Variants in SNRPA observed in about 807,000 individuals in gnomAD.
SNRPA encodes the protein U1 small nuclear ribonucleoprotein A.
Under a neutral mutation model 24.5 loss-of-function variants are expected in SNRPA, and 10 were observed. That is an observed-to-expected ratio of 0.41 (90% confidence interval 0.25 to 0.69). The LOEUF is 0.69. SNRPA is among the 30% of genes least tolerant of loss of function. The pLI, the probability that SNRPA is intolerant of heterozygous loss-of-function variation, is 0.33. For synonymous variants in SNRPA, 165 were observed against 148.4 expected (o/e 1.11, Z -0.81); for missense variants, 283 against 394.7 (o/e 0.72, Z 2.40).
intron 1 of SNRPA, among the ~76,000 whole-genome samples, chr19:40,753,393 T>TG: frequency 1.0e-5 from 1 of 100,360 alleles, no homozygotes; most frequent in African/African-American, 4.5e-5. Flanking sequence ...TGTTTTTTTT[T>TG]TTTTTTTTTT....
chr19:40,763,682 G>A lies in SNRPA; in HGVS notation c.689+7G>A. The A allele has an allele frequency of 6.2e-7, 1 of 1,612,288 alleles. No homozygotes were observed. The highest frequency in any genetic ancestry group is 1.1e-5 in the South Asian group (1 of 91,046). On this transcript the variant is annotated splice_region_variant and intron_variant, in intron 5 of 5. Transcript: ENST00000243563. ...TGTCCATGCTTTTCAATCAGTAAGT[G>A]GGGCCTGTGGCTGGGTGGTCCCTGG...
At chr19:40,763,141 A>G (rs764411820) in intron 4 of SNRPA, 67 bp downstream of exon 4, 1 of 1,287,366 alleles carries the variant, frequency 7.8e-7, no homozygotes, top group Non-Finnish European at 1.1e-6. Flanking sequence ...GAAAGGGACC[A>G]GTTGGGGGGC....
intron 3 of SNRPA, 71 bp downstream of exon 3, chr19:40,759,681 C>A: frequency 7.0e-7 from 1 of 1,422,736 alleles, no homozygotes; most frequent in Non-Finnish European, 9.5e-7. Flanking sequence ...GGCTTTGGGA[C>A]AGGGTGGGGA....
At chr19:40,761,821 G>A (rs1273553306) in intron 3 of SNRPA, among the ~76,000 whole-genome samples, 1 of 152,088 alleles carries the variant, frequency 6.6e-6, no homozygotes, top group African/African-American at 2.4e-5. Context: ...TGACCTTGGT[G>A]AGGGCATGAA....
In SNRPA at chr19:40,765,284, T is replaced by A; in HGVS notation, c.*117T>A. ...GGGCCTTCTTGGAGCCGTGTGTGAG[T>A]GAGTGGTCGCCACACAGCATTGTAC... On this transcript the variant is annotated 3_prime_UTR_variant, in exon 6 of 6. Coordinates refer to ENST00000243563, the MANE Select transcript of SNRPA (RefSeq NM_004596.5). The A allele has an allele frequency of 1.8e-6, 1 of 569,002 alleles. No individual in the cohort carries two copies. Among genetic ancestry groups the A allele is most frequent in the Non-Finnish European group, 2.9e-6 (1 of 346,210 alleles). 35.2% of individuals were successfully genotyped at this position (569,002 alleles called of 1,614,324 possible). A position where few individuals can be genotyped will look rare whatever the true frequency, so the allele number is the denominator to read the frequency against.
chr19:40,755,767 T>C (rs2082906123), intron 1 of SNRPA, among the ~76,000 whole-genome samples: 4 of 152,334 alleles, frequency 2.6e-5, no homozygotes, highest in Admixed American at 2.6e-4. Flanking sequence ...TGAATCTCAC[T>C]TGCTGTCAAG....
At chr19:40,755,116 A>C (rs2082902888) in intron 1 of SNRPA, among the ~76,000 whole-genome samples, 1 of 151,218 alleles carries the variant, frequency 6.6e-6, no homozygotes, top group Admixed American at 6.6e-5. Context: ...TCGATTTGTC[A>C]CCCAGGCTGG....
chr19:40,760,366 G>C (rs764655730), intron 3 of SNRPA, among the ~76,000 whole-genome samples: 59 of 152,304 alleles, frequency 3.9e-4, no homozygotes, highest in East Asian at 3.9e-4. Flanking sequence ...AAGTAGCACT[G>C]AGGGGTAAAT....
chr19:40,760,994 T>C (rs1207954188), intron 3 of SNRPA, among the ~76,000 whole-genome samples: 1 of 151,860 alleles, frequency 6.6e-6, no homozygotes, highest in Non-Finnish European at 1.5e-5. Flanking sequence ...TCTCAGTCAA[T>C]CTGTCTCCCC....
chr19:40,757,164 G>C (rs2082911922), intron 1 of SNRPA, 168 bp from the exon 2 acceptor site: 1 of 623,236 alleles, frequency 1.6e-6, no homozygotes, highest in Non-Finnish European at 2.8e-6. Context: ...GTAGAAGAGT[G>C]TACTTGGCCA....
chr19:40,763,804 C>A, intron 5 of SNRPA, 129 bp downstream of exon 5: 1 of 779,378 alleles, frequency 1.3e-6, no homozygotes, highest in Non-Finnish European at 2.2e-6. Flanking sequence ...GGACAGCGAC[C>A]AAAGATGTGA....
intron 2 of SNRPA, 50 bp from the exon 3 acceptor site, chr19:40,759,381 A>G (rs577886050): frequency 3.9e-6 from 6 of 1,525,106 alleles, no homozygotes; most frequent in East Asian, 4.8e-5. Flanking sequence ...AATCTTGGCA[A>G]TTGGGCTCTG....
At chr19:40,764,979 A>G (rs2082948056) in intron 5 of SNRPA, 29 bp from the exon 6 acceptor site, 1 of 1,505,060 alleles carries the variant, frequency 6.6e-7, no homozygotes, top group Non-Finnish European at 8.9e-7. Context: ...GGAAATGCTG[A>G]GTCCCTGAGG....
intron 3 of SNRPA, among the ~76,000 whole-genome samples, chr19:40,760,284 C>G (rs2082926076): frequency 6.6e-6 from 1 of 152,172 alleles, no homozygotes; most frequent in South Asian, 2.1e-4. Flanking sequence ...GGATTACATG[C>G]ATGAGCCACC....
chr19:40,751,938 T>C (rs1201870931), intron 1 of SNRPA, among the ~76,000 whole-genome samples: 1 of 152,234 alleles, frequency 6.6e-6, no homozygotes, highest in African/African-American at 2.4e-5. Flanking sequence ...GCTAACGCTC[T>C]GTATCATGGG....
chr19:40,753,429 C>G (rs1279689345), intron 1 of SNRPA, among the ~76,000 whole-genome samples: 2 of 97,322 alleles, frequency 2.1e-5, no homozygotes, highest in Non-Finnish European at 3.7e-5. Flanking sequence ...CAGAGTTTCA[C>G]TCTGTCACCC....
At chr19:40,754,850 G>A (rs1004340048) in intron 1 of SNRPA, among the ~76,000 whole-genome samples, 3 of 152,132 alleles carry the variant, frequency 2.0e-5, no homozygotes, top group Non-Finnish European at 4.4e-5. Context: ...TGGGCGAGGG[G>A]AGGCTGGAGA....
intron 1 of SNRPA, among the ~76,000 whole-genome samples, chr19:40,755,256 T>A: frequency 7.1e-6 from 1 of 141,032 alleles, no homozygotes; most frequent in East Asian, 2.3e-4. Context: ...TTTTTTCTTT[T>A]CTTTTTTTTT....
rs1322096758 is a variant in SNRPA at position 40,760,630 on chromosome 19, C to T, written c.426+1020C>T. 2.0e-5 allele frequency among the ~76,000 whole-genome samples: 3 copies of T among 152,180 alleles called. No individual in the cohort carries two copies. In the South Asian group the frequency reaches 6.2e-4, roughly 31 times the overall value. On this transcript the variant is annotated intron_variant, in intron 3 of 5. Coordinates refer to ENST00000243563, the MANE Select transcript of SNRPA (RefSeq NM_004596.5). Reference sequence around the variant, plus strand: ...GAGGAGAATAAAGCACCAGGACCTGCATGACCAGGGGAAGCTCCAGCAACC... The same window carrying T: ...GAGGAGAATAAAGCACCAGGACCTGTATGACCAGGGGAAGCTCCAGCAACC...
Sources: gnomAD v4.1 joint callset for allele counts (sites outside exome capture counted in the v4.1 genomes callset) on GRCh38, gnomAD v4.1.1 for gene constraint, MANE v1.5 for transcripts, NCBI Gene and HGNC (gene_info 2026-07-23, HGNC 2026-07-21) for gene names.